The following EBF2 variants were observed in gnomAD, a reference collection of about 807,000 sequenced individuals.
EBF2 encodes the protein EBF transcription factor 2, also known as transcription factor COE2.
Under a neutral mutation model 72.8 loss-of-function variants are expected in EBF2, and 21 were observed. That is an observed-to-expected ratio of 0.29 (90% CI 0.20 to 0.42). The LOEUF (loss-of-function observed/expected upper bound fraction) is 0.42. Ranked by LOEUF, EBF2 falls within the 10% of genes least tolerant of loss-of-function variation. EBF2 has a pLI of 1.00. For synonymous variants in EBF2, 299 were observed against 274.2 expected (o/e 1.09, Z -0.89); for missense variants, 637 against 731.2 (o/e 0.87, Z 1.49).
At chr8:26,040,301 A>G (rs889565101) in intron 4 of EBF2, among the ~76,000 whole-genome samples, 200 bp from the exon 5 acceptor site, 3 of 152,206 alleles carry the variant, frequency 2.0e-5, no homozygotes, top group African/African-American at 7.2e-5. Context: ...CCCAGTGAGA[A>G]CATCATTCTT....
chr8:25,920,675 G>A (rs1803292268), intron 6 of EBF2, among the ~76,000 whole-genome samples: 1 of 151,378 alleles, frequency 6.6e-6, no homozygotes, highest in African/African-American at 2.4e-5. Flanking sequence ...GTGTAAAGCA[G>A]TTAGTTAACA....
chr8:26,023,598 G>C (rs1805238029), intron 6 of EBF2, among the ~76,000 whole-genome samples: 1 of 152,120 alleles, frequency 6.6e-6, no homozygotes, highest in South Asian at 2.1e-4. Context: ...ACTTATAAAT[G>C]GTTTGGATTC....
intron 6 of EBF2, among the ~76,000 whole-genome samples, chr8:25,954,323 G>A (rs1008524139): frequency 6.6e-6 from 1 of 152,158 alleles, no homozygotes; most frequent in Non-Finnish European, 1.5e-5. Context: ...GCTTCCTGCT[G>A]CTAAATGCAC....
chr8:26,028,579 A>AAC (rs1805342292), intron 6 of EBF2, among the ~76,000 whole-genome samples: 1 of 152,122 alleles, frequency 6.6e-6, no homozygotes, highest in Non-Finnish European at 1.5e-5. Context: ...TCCTCTTCTC[A>AAC]CAGATCACCA....
chr8:25,852,822 C>A (rs1563375128), intron 14 of EBF2, among the ~76,000 whole-genome samples: 1 of 152,188 alleles, frequency 6.6e-6, no homozygotes, highest in African/African-American at 2.4e-5. Flanking sequence ...TTTCGGCAAA[C>A]ACAATTACTA....
intron 4 of EBF2, 22 bp from the exon 5 acceptor site, chr8:26,040,123 G>A: frequency 6.2e-7 from 1 of 1,612,158 alleles, no homozygotes; most frequent in Non-Finnish European, 8.5e-7. Context: ...GTAGTGGCAG[G>A]AAAGGAAGAT....
At chr8:25,852,153 G>C (rs114516868) in intron 14 of EBF2, among the ~76,000 whole-genome samples, 7 of 152,148 alleles carry the variant, frequency 4.6e-5, no homozygotes, top group African/African-American at 1.7e-4. Flanking sequence ...CAAAGTTCTG[G>C]AAGAATCTCA....
At chr8:25,930,720 G>A (rs1484863561) in intron 6 of EBF2, among the ~76,000 whole-genome samples, 1 of 152,182 alleles carries the variant, frequency 6.6e-6, no homozygotes, top group African/African-American at 2.4e-5. Flanking sequence ...TTGGGATGAT[G>A]AGATCTGCCA....
intron 6 of EBF2, among the ~76,000 whole-genome samples, chr8:26,000,687 G>A (rs970544844): frequency 3.9e-5 from 6 of 152,156 alleles, no homozygotes; most frequent in African/African-American, 1.4e-4. Context: ...CTGGGATCAA[G>A]GGATAACGCA....
chr8:25,991,486 ATTTT>A (rs1043233478), intron 6 of EBF2, among the ~76,000 whole-genome samples: 15 of 152,068 alleles, frequency 9.9e-5, no homozygotes, highest in Non-Finnish European at 1.3e-4. Context: ...TATCACCTCC[ATTTT>A]ACTCATGCAT....
chr8:25,964,512 G>C (rs1476878442), intron 6 of EBF2, among the ~76,000 whole-genome samples: 1 of 152,068 alleles, frequency 6.6e-6, no homozygotes, highest in Non-Finnish European at 1.5e-5. Context: ...AATCTGGGTC[G>C]AGGGAACAAA....
intron 6 of EBF2, among the ~76,000 whole-genome samples, chr8:25,989,099 C>A (rs1485295807): frequency 6.6e-6 from 1 of 152,220 alleles, no homozygotes; most frequent in Non-Finnish European, 1.5e-5. Context: ...GCACAAATGC[C>A]TTAGCCTCTT....
At chr8:25,962,663 G>T (rs539308366) in intron 6 of EBF2, among the ~76,000 whole-genome samples, 9 of 152,224 alleles carry the variant, frequency 5.9e-5, no homozygotes, top group African/African-American at 2.2e-4. Flanking sequence ...CAGTCCAAGC[G>T]AAGAATAATG....
At chr8:25,961,386 C>T (rs113568005) in intron 6 of EBF2, among the ~76,000 whole-genome samples, 32 of 152,192 alleles carry the variant, frequency 2.1e-4, no homozygotes, top group African/African-American at 5.5e-4. Context: ...TGTTTTGAGA[C>T]GGAGTCTCAC....
Position 25,878,951 on chromosome 8 carries a change from A to G in EBF2, c.1009+7804T>C, listed in dbSNP as rs369328198. 1.2e-3 allele frequency among the ~76,000 whole-genome samples: 182 copies of G among 152,332 alleles called. 1 individual carries two copies. The highest frequency in any genetic ancestry group is 4.3e-3 in the African/African-American group (179 of 41,582). ...CAAGTTTACTAATGTGCACTGTTTC[A>G]GTATTTAAACGTGTGATGCTATATT... is the stretch of plus-strand genomic sequence containing the variant. On this transcript the variant is annotated intron_variant, in intron 10 of 15. Transcript: ENST00000520164.
intron 6 of EBF2, among the ~76,000 whole-genome samples, chr8:25,982,019 C>A (rs1162286219): frequency 6.6e-6 from 1 of 152,086 alleles, no homozygotes; most frequent in East Asian, 1.9e-4. Flanking sequence ...CTAAGTTTTA[C>A]AAAAGGTACC....
chr8:25,904,526 C>T lies in EBF2; in HGVS notation c.633+3948G>A, dbSNP rs17054549. On this transcript the variant is annotated intron_variant, in intron 7 of 15. Transcript: ENST00000520164. ...CTATTCCATTCAGATCAAATCCTCACGAAAGAATCCTTCATATTAAATTTA... is the reference window on the plus strand; with the variant it reads ...CTATTCCATTCAGATCAAATCCTCATGAAAGAATCCTTCATATTAAATTTA... Among the ~76,000 whole-genome samples, 660 of 152,104 alleles carry T rather than the reference C, an allele frequency of 4.3e-3. 6 individuals are homozygous for T. Among genetic ancestry groups the T allele is most frequent in the African/African-American group, 0.015 (617 of 41,528 alleles).
chr8:26,026,710 C>T (rs940848094), intron 6 of EBF2, among the ~76,000 whole-genome samples: 2 of 152,204 alleles, frequency 1.3e-5, no homozygotes, highest in African/African-American at 4.8e-5. Flanking sequence ...GTGTTCCTAT[C>T]AGTTCTTCCA....
chr8:25,950,595 G>A (rs1267937104), intron 6 of EBF2, among the ~76,000 whole-genome samples: 2 of 152,176 alleles, frequency 1.3e-5, no homozygotes, highest in South Asian at 2.1e-4. Flanking sequence ...GGTTGCACAG[G>A]ACTAAGATTT....
Sources: allele counts gnomAD v4.1 joint callset (sites outside exome capture counted in the v4.1 genomes callset), GRCh38; gene constraint gnomAD v4.1.1; transcripts MANE v1.5; gene names NCBI Gene and HGNC (gene_info 2026-07-23, HGNC 2026-07-21).